The following SPAG16 variants were observed in gnomAD, a reference collection of about 807,000 sequenced individuals.
SPAG16 encodes the protein sperm associated antigen 16.
SPAG16 carries 86 observed loss-of-function variants against 80.4 expected under a neutral mutation model. That is an observed-to-expected ratio of 1.07 (90% CI 0.90 to 1.28). SPAG16 has a LOEUF of 1.28. SPAG16 is among the 50% of genes most tolerant of loss of function. The pLI, the probability that SPAG16 is intolerant of heterozygous loss-of-function variation, is 0.00. For missense variants in SPAG16, 870 were observed against 765.3 expected (o/e 1.14, Z -1.61); for synonymous variants, 294 against 265.9 (o/e 1.11, Z -1.03).
intron 10 of SPAG16, among the ~76,000 whole-genome samples, chr2:213,687,089 T>G (rs1176001237): frequency 1.3e-5 from 2 of 152,190 alleles, no homozygotes; most frequent in African/African-American, 4.8e-5. Flanking sequence ...TTATGTATAT[T>G]GTTACCTTAT....
At chr2:213,699,907 T>G (rs113011869) in intron 10 of SPAG16, among the ~76,000 whole-genome samples, 1 of 152,230 alleles carries the variant, frequency 6.6e-6, no homozygotes, top group Admixed American at 6.5e-5. Context: ...TGTGTGAGTC[T>G]GATAGGACAG....
At chr2:213,402,824 C>A (rs1196836333) in intron 9 of SPAG16, among the ~76,000 whole-genome samples, 3 of 152,122 alleles carry the variant, frequency 2.0e-5, no homozygotes, top group South Asian at 2.1e-4. Flanking sequence ...TCCAGTCTAT[C>A]GTTGTTGGAC....
In SPAG16 at chr2:213,804,731, A is replaced by AACTG. The variant is rs2071655592; in HGVS notation, c.1071-57753_1071-57752insCTGA. On this transcript the variant is annotated intron_variant, in intron 10 of 15. Coordinates refer to ENST00000331683, the MANE Select transcript of SPAG16 (RefSeq NM_024532.5). ...TAACTAACTAACTAACTAACTAACTAAGATTACGAGACAGGAAGCACAGAA... is the reference window on the plus strand; with the variant it reads ...TAACTAACTAACTAACTAACTAACTAACTGAGATTACGAGACAGGAAGCACAGAA... Among the ~76,000 whole-genome samples, 6 of 146,800 alleles carry AACTG rather than the reference A, an allele frequency of 4.1e-5. No homozygotes were observed. The South Asian group carries it at 1.3e-3, about 32-fold the overall frequency.
At chr2:214,142,552 A>G (rs1379620013) in intron 14 of SPAG16, among the ~76,000 whole-genome samples, 1 of 152,062 alleles carries the variant, frequency 6.6e-6, no homozygotes, top group Non-Finnish European at 1.5e-5. Flanking sequence ...TCAGTATTGT[A>G]ACTATCTCCT....
intron 12 of SPAG16, among the ~76,000 whole-genome samples, chr2:213,961,223 T>C (rs2044399848): frequency 6.6e-6 from 1 of 152,206 alleles, no homozygotes. Flanking sequence ...TCCAAAATTT[T>C]CTCTCCAATT....
intron 10 of SPAG16, among the ~76,000 whole-genome samples, chr2:213,706,324 C>T (rs1298152781): frequency 6.6e-6 from 1 of 152,190 alleles, no homozygotes; most frequent in Non-Finnish European, 1.5e-5. Flanking sequence ...AAAACTTCTA[C>T]TAGCTTACTT....
chr2:213,419,922 G>A (rs1352888886), intron 9 of SPAG16, among the ~76,000 whole-genome samples: 3 of 152,206 alleles, frequency 2.0e-5, no homozygotes, highest in African/African-American at 7.2e-5. Context: ...ATGGGTACCA[G>A]TTATATGTAG....
At chr2:213,843,638 G>A (rs1575325377) in intron 10 of SPAG16, among the ~76,000 whole-genome samples, 3 of 152,276 alleles carry the variant, frequency 2.0e-5, no homozygotes, top group Admixed American at 6.5e-5. Context: ...ATCACCTGAG[G>A]CCAGAAGTTT....
At chr2:213,548,133 G>T (rs1186447211) in intron 10 of SPAG16, among the ~76,000 whole-genome samples, 4 of 152,114 alleles carry the variant, frequency 2.6e-5, no homozygotes, top group Admixed American at 2.6e-4. Context: ...TATTAATATT[G>T]CCAGATTTCC....
intron 1 of SPAG16, among the ~76,000 whole-genome samples, chr2:213,288,163 C>A (rs1180714611): frequency 6.6e-6 from 1 of 152,212 alleles, no homozygotes; most frequent in Non-Finnish European, 1.5e-5. Flanking sequence ...AGGCATCCTA[C>A]TGCCTTGGCC....
chr2:213,586,940 C>G (rs900699419), intron 10 of SPAG16, among the ~76,000 whole-genome samples: 1 of 152,152 alleles, frequency 6.6e-6, no homozygotes, highest in African/African-American at 2.4e-5. Context: ...CTTTGGGAAG[C>G]CCCACCCTTG....
chr2:213,878,421 T>C (rs1171056079), intron 11 of SPAG16, among the ~76,000 whole-genome samples: 1 of 152,018 alleles, frequency 6.6e-6, no homozygotes, highest in Admixed American at 6.6e-5. Flanking sequence ...TATTTGTCAA[T>C]ATGCTTTTTG....
chr2:214,237,772 C>A (rs1056366333), intron 15 of SPAG16, among the ~76,000 whole-genome samples: 1 of 151,732 alleles, frequency 6.6e-6, no homozygotes. Flanking sequence ...AGTATACACA[C>A]AAGGTAAAAT....
chr2:214,272,656 G>A (rs977521723), intron 15 of SPAG16, among the ~76,000 whole-genome samples: 6 of 152,210 alleles, frequency 3.9e-5, no homozygotes, highest in Non-Finnish European at 8.8e-5. Context: ...ATTCCATGGT[G>A]TATATGTGCC....
intron 7 of SPAG16, among the ~76,000 whole-genome samples, chr2:213,353,915 A>T (rs964272068): frequency 6.6e-6 from 1 of 152,100 alleles, no homozygotes. Context: ...TTATACTTTA[A>T]GTTCTAGGGT....
chr2:214,354,149 A>T (rs1315401314), intron 15 of SPAG16, among the ~76,000 whole-genome samples: 1 of 152,112 alleles, frequency 6.6e-6, no homozygotes. Context: ...AAATAAAAAA[A>T]TCAAAAAAAT....
chr2:214,233,804 A>G (rs887988188), intron 15 of SPAG16, among the ~76,000 whole-genome samples: 2 of 152,174 alleles, frequency 1.3e-5, no homozygotes, highest in Admixed American at 1.3e-4. Context: ...AAAAAAAATT[A>G]TGAGGTATAA....
intron 12 of SPAG16, among the ~76,000 whole-genome samples, chr2:213,990,524 G>T (rs1450149419): frequency 1.3e-5 from 2 of 151,998 alleles, no homozygotes; most frequent in Non-Finnish European, 1.5e-5. Flanking sequence ...TATATTACAT[G>T]TATTATATAC....
At chr2:214,301,963 GGTATGTTGT>G (rs1694581407) in intron 15 of SPAG16, among the ~76,000 whole-genome samples, 1 of 151,824 alleles carries the variant, frequency 6.6e-6, no homozygotes, top group Non-Finnish European at 1.5e-5. Context: ...TATAGGTTTT[GGTATGTTGT>G]GTGTCTCTTT....
Sources: allele counts gnomAD v4.1 joint callset (sites outside exome capture counted in the v4.1 genomes callset), GRCh38; gene constraint gnomAD v4.1.1; transcripts MANE v1.5; gene names NCBI Gene and HGNC (gene_info 2026-07-23, HGNC 2026-07-21).